Variants in ARNT observed in about 807,000 individuals in gnomAD.
ARNT encodes the protein class E basic helix-loop-helix protein 2.
Under a neutral mutation model 105.0 loss-of-function variants are expected in ARNT, and 30 were observed. The observed-to-expected ratio is 0.29, with a 90% CI of 0.21 to 0.39. The LOEUF is 0.39. Among genes scored for constraint, ARNT ranks in the 10% least tolerant of loss-of-function variants. ARNT has a pLI of 1.00. For synonymous variants in ARNT, 304 were observed against 344.0 expected, an observed-to-expected ratio of 0.88 and a Z score of 1.29; for missense variants, 748 against 978.7, an observed-to-expected ratio of 0.76 and a Z score of 3.15.
At chr1:150,821,730 C>G (rs1657108857) in intron 14 of ARNT, among the ~76,000 whole-genome samples, 1 of 152,034 alleles carries the variant, frequency 6.6e-6, no homozygotes, top group Non-Finnish European at 1.5e-5. Context: ...CTCACTGCAA[C>G]CTCCACCTCC....
intron 13 of ARNT, among the ~76,000 whole-genome samples, chr1:150,825,657 T>A (rs1051883520): frequency 6.6e-6 from 1 of 152,066 alleles, no homozygotes. Context: ...GAGACCATCC[T>A]GGCCAACGTG....
intron 1 of ARNT, among the ~76,000 whole-genome samples, chr1:150,874,814 T>C (rs1000145063): frequency 6.6e-6 from 1 of 152,176 alleles, no homozygotes; most frequent in Non-Finnish European, 1.5e-5. Flanking sequence ...TAAACAAAGC[T>C]GTTTCATTAA....
At position 150,834,520 on chromosome 1, in the gene ARNT, C is replaced by T; in HGVS notation, c.803+18G>A. 6.2e-7 allele frequency: 1 copy of T among 1,610,488 alleles called. No homozygotes were observed. Among genetic ancestry groups the T allele is most frequent in the Non-Finnish European group, 8.5e-7 (1 of 1,176,828 alleles). On this transcript the variant is annotated intron_variant, in intron 8 of 21. Transcript: ENST00000358595. Reference sequence around the variant, plus strand: ...GATCCTTCCTATACCAAATCACAATCCTCAGCTTGACACTCACCTCATTCG... The same window carrying T: ...GATCCTTCCTATACCAAATCACAATTCTCAGCTTGACACTCACCTCATTCG...
intron 1 of ARNT, among the ~76,000 whole-genome samples, chr1:150,859,865 A>G (rs1665291137): frequency 6.6e-6 from 1 of 152,018 alleles, no homozygotes; most frequent in South Asian, 2.1e-4. Flanking sequence ...CAAGTTAGCC[A>G]GCATGGTGGC....
intron 7 of ARNT, 115 bp from the exon 8 acceptor site, chr1:150,834,755 C>A: frequency 6.2e-6 from 5 of 808,224 alleles, no homozygotes; most frequent in South Asian, 1.6e-5. Flanking sequence ...AATCTCCTTG[C>A]TTATAACAGA....
intron 17 of ARNT, 34 bp downstream of exon 17, chr1:150,817,048 G>A: frequency 3.1e-6 from 5 of 1,613,534 alleles, no homozygotes; most frequent in South Asian, 2.2e-5. Flanking sequence ...TGATCTAAAT[G>A]AGAATTTAAA....
At chr1:150,868,857 C>T (rs773376101) in intron 1 of ARNT, among the ~76,000 whole-genome samples, 6 of 151,534 alleles carry the variant, frequency 4.0e-5, no homozygotes, top group Non-Finnish European at 8.8e-5. Flanking sequence ...GAGATCACGC[C>T]ACTGCACTCC....
At chr1:150,849,118 G>A (rs955635677) in intron 3 of ARNT, among the ~76,000 whole-genome samples, 26 of 151,978 alleles carry the variant, frequency 1.7e-4, no homozygotes, top group Admixed American at 1.4e-3. Flanking sequence ...CAGGAGAATC[G>A]CTTGAACCTG....
chr1:150,849,203 C>CA (rs1330145626), intron 3 of ARNT, among the ~76,000 whole-genome samples: 15 of 149,218 alleles, frequency 1.0e-4, no homozygotes, highest in South Asian at 2.1e-4. Context: ...AAATCAGTCT[C>CA]AAAAAAAAAG....
At chr1:150,858,609 C>G in intron 1 of ARNT, 149 bp from the exon 2 acceptor site, 1 of 558,764 alleles carries the variant, frequency 1.8e-6, no homozygotes, top group African/African-American at 2.0e-5. Flanking sequence ...CCAGATTGCT[C>G]TTCTTGATTT....
In ARNT at chr1:150,867,871, T is replaced by C. The variant is rs150306786; in HGVS notation, c.25+8672A>G. On this transcript the variant is annotated intron_variant, in intron 1 of 21. Transcript: ENST00000358595. ...CTATCCTGCCAGCCATGTGAAGACA[T>C]GCTTGCTTCCCCTTCGCCTTCCGCC... Among the ~76,000 whole-genome samples, 778 of 152,220 alleles carry C rather than the reference T, an allele frequency of 5.1e-3. 4 individuals are homozygous for C. The highest frequency in any genetic ancestry group is 5.2e-3 in the Non-Finnish European group (357 of 68,028).
intron 4 of ARNT, 79 bp from the exon 5 acceptor site, chr1:150,842,547 A>T: frequency 8.1e-6 from 10 of 1,231,986 alleles, no homozygotes; most frequent in Non-Finnish European, 1.2e-5. Flanking sequence ...AAGGGAAAAA[A>T]GGAAGGAGGG....
intron 20 of ARNT, 106 bp from the exon 21 acceptor site, chr1:150,813,444 A>G: frequency 1.7e-6 from 2 of 1,186,490 alleles, no homozygotes; most frequent in Non-Finnish European, 2.3e-6. Context: ...TTTACCTAGG[A>G]TAACTCTGTC....
At chr1:150,835,626 A>G (rs587655280) in intron 7 of ARNT, among the ~76,000 whole-genome samples, 1 of 152,254 alleles carries the variant, frequency 6.6e-6, no homozygotes, top group East Asian at 1.9e-4. Context: ...AAGGAGGAAA[A>G]CTAAAGATCA....
chr1:150,816,787 C>G lies in ARNT; in HGVS notation c.1802+1G>C. Reference sequence around the variant, plus strand: ...AAGCAGCACATATATACGGGGCTCACCTGAAATTCTCTGCCGGCCGGGGGG... The same window carrying G: ...AAGCAGCACATATATACGGGGCTCAGCTGAAATTCTCTGCCGGCCGGGGGG... On this transcript the variant is annotated splice_donor_variant, in intron 18 of 21. Transcript: ENST00000358595. LOFTEE classifies it high-confidence loss of function. The G allele has an allele frequency of 1.3e-6, 2 of 1,578,124 alleles. No individual in the cohort carries two copies. The highest frequency in any genetic ancestry group is 1.7e-6 in the Non-Finnish European group (2 of 1,170,434).
At position 150,825,345 on chromosome 1, in the gene ARNT, C is replaced by T. The variant is rs587681266; in HGVS notation, c.1242+1198G>A. Among the ~76,000 whole-genome samples, 13 of 152,184 alleles carry T rather than the reference C, an allele frequency of 8.5e-5. No individual in the cohort carries two copies. The South Asian group carries it at 2.5e-3, about 29-fold the overall frequency. ...TACCTTATTTAATCTTCCCAACAAC[C>T]GTCTGAATTTAGGTACTATTAATAT... On this transcript the variant is annotated intron_variant, in intron 13 of 21. Transcript: ENST00000358595.
chr1:150,829,633 G>C (rs1289427132), intron 11 of ARNT: 2 of 555,982 alleles, frequency 3.6e-6, no homozygotes, highest in African/African-American at 1.9e-5. Flanking sequence ...TTTTGTATAG[G>C]GGCAAAGGAA....
At position 150,811,123 on chromosome 1, in the gene ARNT, T is replaced by C. The variant is rs1271071928; in HGVS notation, c.*898A>G. ...AAAGTGTTTATCTTGCCAGCCTATTTAGGTAATGTTTGCAGATCTTCCAGA... is the reference window on the plus strand; with the variant it reads ...AAAGTGTTTATCTTGCCAGCCTATTCAGGTAATGTTTGCAGATCTTCCAGA... On this transcript the variant is annotated 3_prime_UTR_variant, in exon 22 of 22. Coordinates refer to ENST00000358595, the MANE Select transcript of ARNT (RefSeq NM_001668.4). The C allele has an allele frequency of 8.6e-5, 20 of 233,144 alleles. No individual in the cohort carries two copies. The highest frequency in any genetic ancestry group is 1.3e-4 in the African/African-American group (6 of 45,300). 14.4% of individuals were successfully genotyped at this position (233,144 alleles called of 1,614,324 possible). A position where few individuals can be genotyped will look rare whatever the true frequency, so the allele number is the denominator to read the frequency against.
intron 1 of ARNT, among the ~76,000 whole-genome samples, chr1:150,874,165 A>G (rs1215192990): frequency 2.0e-5 from 3 of 152,248 alleles, no homozygotes; most frequent in African/African-American, 7.2e-5. Flanking sequence ...TCTGACCTGA[A>G]AACATTTACT....
Sources: gnomAD v4.1 joint callset for allele counts (sites outside exome capture counted in the v4.1 genomes callset) on GRCh38, gnomAD v4.1.1 for gene constraint, MANE v1.5 for transcripts, NCBI Gene and HGNC (gene_info 2026-07-23, HGNC 2026-07-21) for gene names.